ACLY: variants seen among roughly 807,000 people sequenced by gnomAD.
ACLY encodes the protein ATP citrate lyase, also known as ATP-citrate synthase.
A neutral mutation model predicts 133.0 loss-of-function variants in ACLY; 41 were observed. The observed-to-expected ratio is 0.31, with a 90% CI of 0.24 to 0.40. ACLY has a LOEUF of 0.40. Among genes scored for constraint, ACLY ranks in the 10% least tolerant of loss-of-function variants. The pLI, the probability that ACLY is intolerant of heterozygous loss-of-function variation, is 1.00. For missense variants in ACLY, 1,046 were observed against 1,453.8 expected (o/e 0.72, Z 4.56); for synonymous variants, 495 against 549.3 (o/e 0.90, Z 1.38).
intron 21 of ACLY, 100 bp from the exon 22 acceptor site, chr17:41,878,296 TTC>T: frequency 1.3e-6 from 1 of 744,946 alleles, no homozygotes; most frequent in Non-Finnish European, 2.0e-6. Context: ...CACTGTAGGT[TTC>T]TTAGTTTACT....
chr17:41,916,999 C>T (rs541031570), intron 1 of ACLY, among the ~76,000 whole-genome samples: 49 of 151,574 alleles, frequency 3.2e-4, no homozygotes, highest in Admixed American at 1.2e-3. Flanking sequence ...AAAAATTAGC[C>T]GGGCGTGGTG....
At chr17:41,883,666 C>A (rs150555236) in intron 19 of ACLY, among the ~76,000 whole-genome samples, 1 of 146,538 alleles carries the variant, frequency 6.8e-6, no homozygotes, top group Non-Finnish European at 1.5e-5. Flanking sequence ...TTCACTGCAA[C>A]CTCTGTCTCC....
intron 8 of ACLY, among the ~76,000 whole-genome samples, chr17:41,906,323 T>C (rs1316734838): frequency 1.3e-5 from 2 of 152,174 alleles, no homozygotes; most frequent in African/African-American, 4.8e-5. Flanking sequence ...AACAGCTTCA[T>C]TTTGACACAA....
chr17:41,872,813 C>T (rs1323662124), intron 23 of ACLY, among the ~76,000 whole-genome samples: 2 of 152,096 alleles, frequency 1.3e-5, no homozygotes, highest in Non-Finnish European at 2.9e-5. Flanking sequence ...ATGCCTCATT[C>T]CTGTAGTATT....
At chr17:41,868,433 T>A (rs2048516201) in intron 28 of ACLY, among the ~76,000 whole-genome samples, 2 of 18,618 alleles carry the variant, frequency 1.1e-4, no homozygotes, top group African/African-American at 1.7e-4. Flanking sequence ...CAAGACTCAG[T>A]CTCAAAAAAA....
At chr17:41,887,557 G>GATGGCATTGAACCTCATAAT (rs1555628426) in intron 17 of ACLY, 42 bp downstream of exon 17, 9 of 1,543,340 alleles carry the variant, frequency 5.8e-6, no homozygotes, top group Non-Finnish European at 6.3e-6. Flanking sequence ...AACTTCATAA[G>GATGGCATTGAACCTCATAAT]ATAGCATCGA....
chr17:41,868,641 GA>G (rs2048525425), intron 28 of ACLY, 67 bp downstream of exon 28: 3 of 1,057,474 alleles, frequency 2.8e-6, no homozygotes, highest in Admixed American at 4.9e-5. Flanking sequence ...TCAACCCCAT[GA>G]GTAAGTGGTG....
chr17:41,917,134 CAAAAAAAAAAA>C (rs35545409), intron 1 of ACLY, among the ~76,000 whole-genome samples: 5 of 53,558 alleles, frequency 9.3e-5, no homozygotes, highest in Admixed American at 8.5e-4. Context: ...GACTCTGTCT[CAAAAAAAAAAA>C]AAAAAAAAAA....
Position 41,878,939 on chromosome 17 carries a change from A to C in ACLY, c.2266-15T>G. 3.7e-6 allele frequency: 6 copies of C among 1,613,902 alleles called. No individual in the cohort carries two copies. The highest frequency in any genetic ancestry group is 5.1e-6 in the Non-Finnish European group (6 of 1,179,856). On this transcript the variant is annotated splice_polypyrimidine_tract_variant and intron_variant, in intron 20 of 28. Transcript: ENST00000352035. ...CCAAACTGGACCTGGAAAGCAAAGGAAAGTAGCTTTACTGCTAATCCCCCA... is the reference window on the plus strand; with the variant it reads ...CCAAACTGGACCTGGAAAGCAAAGGCAAGTAGCTTTACTGCTAATCCCCCA...
chr17:41,887,127 GAAAAAAAAAAAAAAAAAAA>G (rs535668437), intron 17 of ACLY, among the ~76,000 whole-genome samples: 3 of 110,412 alleles, frequency 2.7e-5, no homozygotes, highest in East Asian at 2.5e-4. Flanking sequence ...CCGTCTCAAA[GAAAAAAAAAAAAAAAAAAA>G]AAAAAAAAAA....
chr17:41,928,547 T>C lies in ACLY; in HGVS notation c.-28+1811A>G, dbSNP rs112827068. Among the ~76,000 whole-genome samples, 226 of 150,296 alleles carry C rather than the reference T, an allele frequency of 1.5e-3. 1 individual carries two copies. The highest frequency in any genetic ancestry group is 5.3e-3 in the African/African-American group (216 of 40,924). On this transcript the variant is annotated intron_variant, in intron 1 of 3. Transcript: ENST00000592970. ...ATCTTAAAATCAGCTTGTTAATTAC[T>C]GAAAAAAAAAAAAGGCTGCTGGGGC...
At chr17:41,924,263 C>G (rs2050215817) in intron 1 of ACLY, among the ~76,000 whole-genome samples, 3 of 151,456 alleles carry the variant, frequency 2.0e-5, no homozygotes, top group Non-Finnish European at 2.9e-5. Flanking sequence ...TCCTGTCTCG[C>G]CCTCCCAAGT....
At chr17:41,881,195 C>T (rs1272813719) in intron 20 of ACLY, among the ~76,000 whole-genome samples, 4 of 151,722 alleles carry the variant, frequency 2.6e-5, no homozygotes, top group African/African-American at 7.3e-5. Context: ...TTTGGGAGGC[C>T]GAGGCAGGTG....
chr17:41,908,633 G>A (rs139736613), intron 6 of ACLY, among the ~76,000 whole-genome samples: 123 of 152,274 alleles, frequency 8.1e-4, no homozygotes, highest in African/African-American at 2.8e-3. Context: ...GCGTGGTGGC[G>A]GGCACCTGTA....
chr17:41,920,619 A>C, upstream of ACLY, among the ~76,000 whole-genome samples: 1 of 145,602 alleles, frequency 6.9e-6, no homozygotes, highest in African/African-American at 2.5e-5. Context: ...AAAAAGATAC[A>C]CTCCAGGCAA....
chr17:41,876,775 C>T (rs1567886805), intron 22 of ACLY, among the ~76,000 whole-genome samples: 1 of 152,138 alleles, frequency 6.6e-6, no homozygotes, highest in Non-Finnish European at 1.5e-5. Flanking sequence ...ACAAACACTG[C>T]GGAAGGCCCC....
At chr17:41,919,119 C>T, upstream of ACLY, 1 of 1,151,916 alleles carries the variant, frequency 8.7e-7, no homozygotes, top group South Asian at 1.6e-5. Flanking sequence ...CCCACGAGGG[C>T]GGGCCCCGGG....
chr17:41,879,046 A>G, intron 20 of ACLY, 122 bp from the exon 21 acceptor site: 1 of 1,159,530 alleles, frequency 8.6e-7, no homozygotes, highest in South Asian at 1.3e-5. Flanking sequence ...AAGCTCACTG[A>G]ATAGGTACAA....
At chr17:41,880,708 C>CA (rs555519668) in intron 20 of ACLY, among the ~76,000 whole-genome samples, 40 of 151,526 alleles carry the variant, frequency 2.6e-4, no homozygotes, top group Admixed American at 1.4e-3. Context: ...TAAAAGAATA[C>CA]AAAAAAAATT....
Sources: allele counts gnomAD v4.1 joint callset (sites outside exome capture counted in the v4.1 genomes callset), GRCh38; gene constraint gnomAD v4.1.1; transcripts MANE v1.5; gene names NCBI Gene and HGNC (gene_info 2026-07-23, HGNC 2026-07-21).